Variants in PTPRK observed in about 807,000 individuals in gnomAD.
PTPRK encodes protein tyrosine phosphatase receptor type K, also known as receptor-type tyrosine-protein phosphatase kappa.
PTPRK carries 75 observed loss-of-function variants against 178.0 expected under a neutral mutation model. The observed-to-expected ratio is 0.42, with a 90% CI of 0.35 to 0.51. PTPRK has a LOEUF of 0.51. PTPRK is among the 20% of genes least tolerant of loss of function. The pLI is 0.02. For missense variants in PTPRK, 1,441 were observed against 1,797.8 expected (o/e 0.80, Z 3.59); for synonymous variants, 637 against 620.6 (o/e 1.03, Z -0.39).
chr6:128,493,307 A>G (rs564971834), intron 1 of PTPRK, among the ~76,000 whole-genome samples: 2 of 152,186 alleles, frequency 1.3e-5, no homozygotes, highest in Non-Finnish European at 2.9e-5. Context: ...TCACGCCTGC[A>G]ATCCCAGCAC....
intron 1 of PTPRK, among the ~76,000 whole-genome samples, chr6:128,469,026 A>G (rs1220465048): frequency 6.6e-6 from 1 of 151,976 alleles, no homozygotes; most frequent in Non-Finnish European, 1.5e-5. Context: ...CAATTTTTTG[A>G]AACGAAGTAT....
At position 128,508,384 on chromosome 6, in the gene PTPRK, A is replaced by G. The variant is rs144981298; in HGVS notation, c.100+11875T>C. ...CCTCATCAGGATCATGCTCTTAAAA[A>G]CCAGGCAGAACAGCTTAGATGGCAA... On this transcript the variant is annotated intron_variant, in intron 1 of 29. Transcript: ENST00000368226. 2.6e-3 allele frequency among the ~76,000 whole-genome samples: 398 copies of G among 150,830 alleles called. 2 individuals carry two copies. The highest frequency in any genetic ancestry group is 8.6e-3 in the African/African-American group (356 of 41,492).
intron 1 of PTPRK, among the ~76,000 whole-genome samples, chr6:128,510,756 T>C (rs1239936940): frequency 6.6e-6 from 1 of 152,090 alleles, no homozygotes; most frequent in Non-Finnish European, 1.5e-5. Context: ...ATCCAATCAC[T>C]AAGTCAGGTT....
At chr6:128,113,102 A>T (rs183749091) in intron 7 of PTPRK, among the ~76,000 whole-genome samples, 1 of 152,216 alleles carries the variant, frequency 6.6e-6, no homozygotes, top group African/African-American at 2.4e-5. Context: ...GAGGAATGAC[A>T]TAGCCTCCTA....
chr6:128,077,428 A>G lies in PTPRK; in HGVS notation c.1883+1385T>C, dbSNP rs149211289. ...TTCTCATGATTTTTAGCCAGACAAG[A>G]CTCAAGAGTTCCCTTTATGATTTGT... is the stretch of plus-strand genomic sequence containing the variant. On this transcript the variant is annotated intron_variant, in intron 11 of 29. Coordinates refer to ENST00000368226, the MANE Select transcript of PTPRK (RefSeq NM_002844.4). 5.6e-3 allele frequency among the ~76,000 whole-genome samples: 856 copies of G among 152,036 alleles called. 14 individuals are homozygous for G. The highest frequency in any genetic ancestry group is 0.02 in the African/African-American group (812 of 41,500).
chr6:128,487,575 C>A (rs557698521), intron 1 of PTPRK, among the ~76,000 whole-genome samples: 1 of 152,030 alleles, frequency 6.6e-6, no homozygotes, highest in South Asian at 2.1e-4. Context: ...AGGGCGGGTC[C>A]AGCAGCATAC....
chr6:128,507,550 C>G (rs1033547674), intron 1 of PTPRK, among the ~76,000 whole-genome samples: 4 of 152,146 alleles, frequency 2.6e-5, no homozygotes, highest in African/African-American at 9.7e-5. Context: ...CACCCTCATT[C>G]CTGGCTGATA....
chr6:128,147,692 A>G (rs147431728), intron 7 of PTPRK, among the ~76,000 whole-genome samples: 16 of 152,236 alleles, frequency 1.1e-4, no homozygotes, highest in African/African-American at 3.4e-4. Flanking sequence ...CTATCACACA[A>G]GTACATATGA....
At chr6:128,067,468 CT>C (rs747110139) in intron 12 of PTPRK, 50 bp downstream of exon 12, 2 of 1,429,236 alleles carry the variant, frequency 1.4e-6, no homozygotes, top group South Asian at 3.4e-5. Flanking sequence ...TAAAATTTGA[CT>C]TCAGCTTTTC....
chr6:128,216,673 G>C (rs1271596352), intron 6 of PTPRK, among the ~76,000 whole-genome samples: 1 of 151,844 alleles, frequency 6.6e-6, no homozygotes, highest in Admixed American at 6.6e-5. Flanking sequence ...TTGTCTCCAG[G>C]TAAGGAAAAC....
intron 5 of PTPRK, among the ~76,000 whole-genome samples, chr6:128,226,375 G>C (rs2128276534): frequency 6.6e-6 from 1 of 152,258 alleles, no homozygotes; most frequent in African/African-American, 2.4e-5. Flanking sequence ...TCAGTCTTTT[G>C]ATGTGTGTAC....
At chr6:128,290,946 A>AAATTTGTT (rs1823280484) in intron 3 of PTPRK, among the ~76,000 whole-genome samples, 1 of 152,018 alleles carries the variant, frequency 6.6e-6, no homozygotes, top group East Asian at 1.9e-4. Flanking sequence ...GTCTCATTTT[A>AAATTTGTT]TAAATAAGGA....
At chr6:128,197,824 A>G (rs188608198) in intron 6 of PTPRK, among the ~76,000 whole-genome samples, 76 of 152,198 alleles carry the variant, frequency 5.0e-4, no homozygotes, top group African/African-American at 1.7e-3. Context: ...ATGCGCTACA[A>G]ATTCTCTGAT....
chr6:128,383,546 A>G (rs1020891786), intron 2 of PTPRK, among the ~76,000 whole-genome samples: 5 of 152,206 alleles, frequency 3.3e-5, no homozygotes, highest in Non-Finnish European at 7.4e-5. Context: ...TTATCATTCC[A>G]TTTATGTATT....
Position 128,007,510 on chromosome 6 carries a change from C to T in PTPRK, c.2333+1620G>A, listed in dbSNP as rs188411643. Among the ~76,000 whole-genome samples the T allele has an allele frequency of 1.7e-3, 259 of 150,954 alleles. 1 individual carries two copies. The highest frequency in any genetic ancestry group is 5.9e-3 in the African/African-American group (245 of 41,378). On this transcript the variant is annotated intron_variant, in intron 14 of 29. Coordinates refer to ENST00000368226, the MANE Select transcript of PTPRK (RefSeq NM_002844.4). ...ACCAGAAAATCAAGTTGTCATATTA[C>T]ACAATTTTAGAGAGCTGTCAGAGCA...
intron 6 of PTPRK, among the ~76,000 whole-genome samples, chr6:128,212,998 A>G (rs937810020): frequency 6.6e-6 from 1 of 152,062 alleles, no homozygotes; most frequent in South Asian, 2.1e-4. Context: ...CAGTAATTAT[A>G]TGAAGTCCCA....
intron 15 of PTPRK, chr6:128,001,240 C>G: frequency 6.6e-7 from 1 of 1,513,724 alleles, no homozygotes; most frequent in Non-Finnish European, 8.9e-7. Flanking sequence ...AACACAAAAA[C>G]CAAAAATACG....
chr6:128,226,884 T>C (rs148881486), intron 5 of PTPRK, among the ~76,000 whole-genome samples: 2,168 of 150,798 alleles, frequency 0.014, 22 homozygotes, highest in South Asian at 0.034. Flanking sequence ...GGACCAGAAG[T>C]GCTTCTAGAG....
chr6:128,494,371 A>T (rs1455202680), intron 1 of PTPRK, among the ~76,000 whole-genome samples: 1 of 152,178 alleles, frequency 6.6e-6, no homozygotes. Flanking sequence ...ACATTATAGT[A>T]AATTTTGACA....
Sources: gnomAD v4.1 joint callset for allele counts (sites outside exome capture counted in the v4.1 genomes callset) on GRCh38, gnomAD v4.1.1 for gene constraint, MANE v1.5 for transcripts, NCBI Gene and HGNC (gene_info 2026-07-23, HGNC 2026-07-21) for gene names.